The following DMD variants were observed in gnomAD, a reference collection of about 807,000 sequenced individuals.
DMD encodes mutant dystrophin.
A neutral mutation model predicts 330.1 loss-of-function variants in DMD; 63 were observed. The ratio of observed to expected loss-of-function variants is 0.19; its 90% CI spans 0.16 to 0.24. The LOEUF (loss-of-function observed/expected upper bound fraction) is 0.24, where lower values mean the gene tolerates loss of function less well. DMD is among the 10% of genes least tolerant of loss of function. The pLI is 1.00. For missense variants in DMD, 3,344 were observed against 2,684.1 expected (o/e 1.25, Z -5.43); for synonymous variants, 1,223 against 959.8 (o/e 1.27, Z -5.07).
intron 60 of DMD, among the ~76,000 whole-genome samples, chrX:31,362,873 C>T (rs1434387818): frequency 8.9e-6 from 1 of 112,456 alleles, no homozygotes; most frequent in Non-Finnish European, 1.9e-5. Flanking sequence ...TGGCGTGAAC[C>T]CCGGAGGCGG....
Position 33,235,896 on chromosome X carries a change from ATAT to A in DMD, c.7+103360_7+103362del, listed in dbSNP as rs200967851. ...CAAAACTTGCCAAGCTGGCCAACTT[ATAT>A]TATTATTATTATTATTATTTTTTTT... is the stretch of plus-strand genomic sequence containing the variant. On this transcript the variant is annotated intron_variant, in intron 1 of 17. Transcript: ENST00000288447. Among the ~76,000 whole-genome samples, 675 of 100,334 alleles carry A rather than the reference ATAT, an allele frequency of 6.7e-3. 10 individuals carry two copies. Among genetic ancestry groups the A allele is most frequent in the African/African-American group, 0.022 (600 of 27,499 alleles). The allele number at this position is 100,334 out of a possible 115,157, so 87.1% of individuals were successfully genotyped here.
chrX:32,448,836 T>C (rs755496652), intron 26 of DMD, among the ~76,000 whole-genome samples, 198 bp from the exon 27 acceptor site: 3 of 111,037 alleles, frequency 2.7e-5, no homozygotes, highest in Non-Finnish European at 3.8e-5. Context: ...TAATTTATTA[T>C]AAGAATACAA....
In DMD at chrX:31,951,159, G is replaced by GTATGTATATATA. The variant is rs1557025629; in HGVS notation, c.6614+17179_6614+17180insTATATATACATA. ...TATATATGTGTATATATATATATATGTATATATATATATATGTATATATAT... is the reference window on the plus strand; with the variant it reads ...TATATATGTGTATATATATATATATGTATGTATATATATATATATATATATATGTATATATAT... On this transcript the variant is annotated intron_variant, in intron 45 of 78. Transcript: ENST00000357033. 2.1e-3 allele frequency among the ~76,000 whole-genome samples: 151 copies of GTATGTATATATA among 71,701 alleles called. 3 individuals carry two copies. Among genetic ancestry groups the GTATGTATATATA allele is most frequent in the African/African-American group, 7.8e-3 (140 of 17,955 alleles). 62.3% of individuals were successfully genotyped at this position (71,701 alleles called of 115,157 possible). A position where few individuals can be genotyped will look rare whatever the true frequency, so the allele number is the denominator to read the frequency against.
At chrX:32,673,044 T>C (rs1385479433) in intron 9 of DMD, among the ~76,000 whole-genome samples, 3 of 111,554 alleles carry the variant, frequency 2.7e-5, no homozygotes, top group East Asian at 5.7e-4. Flanking sequence ...TGTGTGTATG[T>C]GTATGTGTGT....
intron 44 of DMD, among the ~76,000 whole-genome samples, chrX:31,988,476 A>G (rs1603619248): frequency 2.9e-5 from 2 of 69,538 alleles, no homozygotes; most frequent in South Asian, 1.3e-3. Flanking sequence ...TCCATCTCAA[A>G]AAAAAAAAAA....
chrX:33,126,033 C>T (rs1217675617), intron 1 of DMD, among the ~76,000 whole-genome samples: 4 of 51,312 alleles, frequency 7.8e-5, no homozygotes, highest in Non-Finnish European at 1.6e-4. Context: ...AGCGAGACTC[C>T]GTCTCAAGAA....
At chrX:32,137,824 C>A (rs1381422910) in intron 44 of DMD, among the ~76,000 whole-genome samples, 1 of 110,230 alleles carries the variant, frequency 9.1e-6, no homozygotes, top group African/African-American at 3.3e-5. Context: ...GACTTACAAC[C>A]CTGTTTGCTG....
intron 41 of DMD, among the ~76,000 whole-genome samples, chrX:32,341,038 ATTAAG>A (rs944846935): frequency 8.9e-6 from 1 of 112,163 alleles, no homozygotes; most frequent in Admixed American, 9.5e-5. Flanking sequence ...TGCTTATAAA[ATTAAG>A]TTATGGTAAC....
chrX:32,673,979 C>CA (rs2147234007), intron 9 of DMD, among the ~76,000 whole-genome samples: 1 of 111,776 alleles, frequency 8.9e-6, no homozygotes, highest in Non-Finnish European at 1.9e-5. Context: ...TGTTATCACT[C>CA]AAACCTAGGG....
chrX:32,647,591 G>C (rs1047259913), intron 9 of DMD, among the ~76,000 whole-genome samples: 1 of 111,329 alleles, frequency 9.0e-6, no homozygotes, highest in Non-Finnish European at 1.9e-5. Flanking sequence ...AGAAAGAAAG[G>C]GAATCTTGTG....
chrX:33,009,981 C>CGTGTGTGTATGTGTATATACACAT (rs2093633299), intron 2 of DMD, among the ~76,000 whole-genome samples: 1 of 47,263 alleles, frequency 2.1e-5, no homozygotes, highest in Non-Finnish European at 3.7e-5. Flanking sequence ...TGTGTATACA[C>CGTGTGTGTATGTGTATATACACAT]ATGTGTGTAT....
At chrX:31,370,098 CAAAAAA>C (rs59989996) in intron 60 of DMD, among the ~76,000 whole-genome samples, 4 of 59,327 alleles carry the variant, frequency 6.7e-5, no homozygotes, top group East Asian at 1.4e-3. Context: ...GGCTCCGTCT[CAAAAAA>C]AAAAAAAAAA....
In DMD at chrX:33,158,981, GAAGT is replaced by G. The variant is rs1254967997; in HGVS notation, c.31+52297_31+52300del. Among the ~76,000 whole-genome samples the G allele has an allele frequency of 9.9e-5, 11 of 111,519 alleles. No individual in the cohort carries two copies. In the South Asian group the frequency reaches 1.5e-3, roughly 16 times the overall value. On this transcript the variant is annotated intron_variant, in intron 1 of 78. Transcript: ENST00000357033. Reference sequence around the variant, plus strand: ...GCATACATCAATATTTTTAAACACCGAAGTAAGTGTCAAAGGTCTGAAAATTAAT... The same window carrying G: ...GCATACATCAATATTTTTAAACACCGAAGTGTCAAAGGTCTGAAAATTAAT...
chrX:32,823,459 A>T (rs989486142), intron 4 of DMD, 72 bp from the exon 5 acceptor site: 21 of 718,059 alleles, frequency 2.9e-5, no homozygotes, highest in Middle Eastern at 3.1e-4. Context: ...ATAATAATAA[A>T]AACGTGAAGG....
At chrX:32,896,152 G>T (rs1490721623) in intron 2 of DMD, among the ~76,000 whole-genome samples, 2 of 111,179 alleles carry the variant, frequency 1.8e-5, no homozygotes, top group African/African-American at 6.5e-5. Context: ...TTGCAATAAA[G>T]GGTTCAAAAA....
intron 30 of DMD, among the ~76,000 whole-genome samples, chrX:32,391,517 G>A (rs2098002149): frequency 9.0e-6 from 1 of 111,403 alleles, no homozygotes; most frequent in South Asian, 3.8e-4. Flanking sequence ...AATTATAGAG[G>A]CAAATCAATT....
chrX:32,901,000 C>G (rs2086187783), intron 2 of DMD, among the ~76,000 whole-genome samples: 1 of 110,596 alleles, frequency 9.0e-6, no homozygotes, highest in African/African-American at 3.3e-5. Context: ...AGCTACTCTT[C>G]CAATAACTCC....
At chrX:32,196,461 A>G (rs1312214429) in intron 44 of DMD, among the ~76,000 whole-genome samples, 1 of 112,253 alleles carries the variant, frequency 8.9e-6, no homozygotes, top group African/African-American at 3.2e-5. Context: ...CATTTATGTT[A>G]TATATTCAAA....
intron 9 of DMD, among the ~76,000 whole-genome samples, chrX:32,697,177 C>T (rs1354976668): frequency 3.6e-5 from 4 of 111,704 alleles, no homozygotes; most frequent in East Asian, 2.8e-4. Flanking sequence ...TTCATTCCCA[C>T]GCTGTAACAT....
Sources: allele counts gnomAD v4.1 joint callset (sites outside exome capture counted in the v4.1 genomes callset), GRCh38; gene constraint gnomAD v4.1.1; transcripts MANE v1.5; gene names NCBI Gene and HGNC (gene_info 2026-07-23, HGNC 2026-07-21).